The following PTPRN2 variants were observed in gnomAD, a reference collection of about 807,000 sequenced individuals.
The protein encoded by PTPRN2 is receptor-type tyrosine-protein phosphatase N2.
In PTPRN2, 74 loss-of-function variants were observed where a neutral mutation model predicts 118.8. The observed-to-expected ratio is 0.62, with a 90% CI of 0.52 to 0.76. The LOEUF is 0.76. PTPRN2 is among the 30% of genes least tolerant of loss of function. The pLI is 0.00. For synonymous variants in PTPRN2, 641 were observed against 608.0 expected, an observed-to-expected ratio of 1.05 and a Z score of -0.80; for missense variants, 1,481 against 1,394.4, an observed-to-expected ratio of 1.06 and a Z score of -0.99.
At chr7:157,821,448 G>A (rs1205186171) in intron 12 of PTPRN2, among the ~76,000 whole-genome samples, 2 of 152,230 alleles carry the variant, frequency 1.3e-5, no homozygotes, top group African/African-American at 4.8e-5. Context: ...TGGAGAGCAT[G>A]TGGGGAGGCC....
intron 12 of PTPRN2, among the ~76,000 whole-genome samples, chr7:157,875,424 C>T (rs536553683): frequency 2.0e-5 from 3 of 152,264 alleles, no homozygotes; most frequent in Non-Finnish European, 2.9e-5. Flanking sequence ...CCGGGTCACA[C>T]GTTATCTTCC....
At chr7:158,507,152 G>C (rs1164215837) in intron 1 of PTPRN2, among the ~76,000 whole-genome samples, 1 of 152,238 alleles carries the variant, frequency 6.6e-6, no homozygotes, top group Non-Finnish European at 1.5e-5. Context: ...CCCAGGGCTT[G>C]GATGTGGGGC....
chr7:158,033,162 A>G (rs1340969481), intron 11 of PTPRN2, among the ~76,000 whole-genome samples: 1 of 77,794 alleles, frequency 1.3e-5, no homozygotes, highest in Non-Finnish European at 2.5e-5. Flanking sequence ...AGCCTGACAG[A>G]GCCATTGGGG....
At chr7:158,474,973 C>T (rs1449983025) in intron 2 of PTPRN2, among the ~76,000 whole-genome samples, 2 of 152,166 alleles carry the variant, frequency 1.3e-5, no homozygotes, top group African/African-American at 4.8e-5. Context: ...CTCCTGGTGC[C>T]CCACGGAGAC....
At chr7:158,404,686 C>A (rs966813524) in intron 2 of PTPRN2, among the ~76,000 whole-genome samples, 1 of 148,556 alleles carries the variant, frequency 6.7e-6, no homozygotes, top group Non-Finnish European at 1.5e-5. Flanking sequence ...AGCTCCTTGG[C>A]CTCAGCTCCC....
intron 11 of PTPRN2, among the ~76,000 whole-genome samples, chr7:157,905,510 T>C (rs2128756228): frequency 6.6e-6 from 1 of 152,306 alleles, no homozygotes; most frequent in African/African-American, 2.4e-5. Flanking sequence ...ATTCACTAGA[T>C]GAAGGATATG....
chr7:158,018,836 C>T (rs1484434930), intron 11 of PTPRN2, among the ~76,000 whole-genome samples: 2 of 151,770 alleles, frequency 1.3e-5, no homozygotes, highest in Non-Finnish European at 2.9e-5. Context: ...TGGTAGGTGC[C>T]TGTAATCCCA....
chr7:157,917,231 GCT>G (rs927251486), intron 11 of PTPRN2, among the ~76,000 whole-genome samples: 2 of 152,194 alleles, frequency 1.3e-5, no homozygotes, highest in Non-Finnish European at 2.9e-5. Context: ...GTTGCAAACC[GCT>G]CTCTCTCATT....
chr7:157,803,619 G>A (rs968052379), intron 12 of PTPRN2, among the ~76,000 whole-genome samples: 2 of 152,178 alleles, frequency 1.3e-5, no homozygotes, highest in Non-Finnish European at 2.9e-5. Flanking sequence ...TGGATGTGAG[G>A]TGAGGGTCCG....
intron 11 of PTPRN2, among the ~76,000 whole-genome samples, chr7:158,000,331 T>C (rs10271372): frequency 0.67 from 101,506 of 151,868 alleles, 34,293 homozygotes; most frequent in East Asian, 0.83. Flanking sequence ...CAAAAACAAT[T>C]GCCAAGGCCC....
At chr7:158,194,043 G>A (rs1471007026) in intron 4 of PTPRN2, among the ~76,000 whole-genome samples, 1 of 152,054 alleles carries the variant, frequency 6.6e-6, no homozygotes, top group Admixed American at 6.6e-5. Flanking sequence ...CTACGATAGC[G>A]CCGCTGTGCT....
intron 2 of PTPRN2, among the ~76,000 whole-genome samples, chr7:158,441,210 GTGGTGA>G (rs1478507322): frequency 2.9e-5 from 3 of 103,988 alleles, no homozygotes; most frequent in Non-Finnish European, 6.8e-5. Context: ...GATGGTGGTG[GTGGTGA>G]TGGTGATAGT....
Position 158,544,341 on chromosome 7 carries a change from T to A in PTPRN2, c.112+43217A>T, listed in dbSNP as rs974554786. ...AAATTCATAAACTTTCTTAAAACAT[T>A]ATGAGATTTTTTGGCCGGGTGCGGT... On this transcript the variant is annotated intron_variant, in intron 1 of 22. Coordinates refer to ENST00000389418, the MANE Select transcript of PTPRN2 (RefSeq NM_002847.5). The surrounding 1 kb of genome is among the most constrained non-coding windows in gnomAD (Gnocchi z 4.2). 3.3e-5 allele frequency among the ~76,000 whole-genome samples: 5 copies of A among 151,888 alleles called. No homozygotes were observed. In the East Asian group the frequency reaches 9.7e-4, roughly 29 times the overall value.
At chr7:157,940,729 G>T (rs375680007) in intron 11 of PTPRN2, among the ~76,000 whole-genome samples, 3 of 49,482 alleles carry the variant, frequency 6.1e-5, no homozygotes, top group South Asian at 7.5e-4. Context: ...CAAATCTAAC[G>T]CCCTGCCCCA....
At chr7:158,168,250 C>G (rs1358840877) in intron 5 of PTPRN2, among the ~76,000 whole-genome samples, 1 of 152,248 alleles carries the variant, frequency 6.6e-6, no homozygotes, top group Non-Finnish European at 1.5e-5. Flanking sequence ...GTATGTCCTG[C>G]ACCTGGAGCC....
rs572386440 is a variant in PTPRN2, at chr7:157,674,375, C to T, written c.2001+8350G>A. Among the ~76,000 whole-genome samples the T allele has an allele frequency of 2.6e-5, 4 of 152,302 alleles. No homozygotes were observed. Among genetic ancestry groups the T allele is most frequent in the South Asian group, 2.1e-4 (1 of 4,828 alleles). On this transcript the variant is annotated intron_variant, in intron 13 of 22. Transcript: ENST00000389418. The surrounding 1 kb of genome is among the most constrained non-coding windows in gnomAD (Gnocchi z 4.5). ...TTATCCACGTCCTCGAAGTGATCCCCGTTTGACATTTGGAAATGACTTTCA... is the reference window on the plus strand; with the variant it reads ...TTATCCACGTCCTCGAAGTGATCCCTGTTTGACATTTGGAAATGACTTTCA...
In PTPRN2 at chr7:158,189,197, G is replaced by A. The variant is rs368278088; in HGVS notation, c.549+3130C>T. ...GTGTGGATGTTGCGGCTGCTTGGCC[G>A]ACCTCACGTCTGGCTGCTGAGGGCA... On this transcript the variant is annotated intron_variant, in intron 5 of 22. Transcript: ENST00000389418. 3.0e-3 allele frequency among the ~76,000 whole-genome samples: 451 copies of A among 152,308 alleles called. 4 individuals carry two copies. The highest frequency in any genetic ancestry group is 9.9e-3 in the African/African-American group (413 of 41,558).
intron 11 of PTPRN2, among the ~76,000 whole-genome samples, chr7:158,058,641 G>T (rs62480170): frequency 2.3e-4 from 4 of 17,670 alleles, no homozygotes; most frequent in Admixed American, 6.4e-4. Context: ...CTGCAGCCAC[G>T]CTCCATCTGC....
At chr7:158,187,264 G>A (rs777816362) in intron 5 of PTPRN2, among the ~76,000 whole-genome samples, 1 of 152,210 alleles carries the variant, frequency 6.6e-6, no homozygotes, top group Non-Finnish European at 1.5e-5. Flanking sequence ...TGAAGGCCCT[G>A]AAAGGCAATA....
Sources: gnomAD v4.1 joint callset for allele counts (sites outside exome capture counted in the v4.1 genomes callset) on GRCh38, gnomAD v4.1.1 for gene constraint, Gnocchi (gnomAD v3.1) non-coding constraint, MANE v1.5 for transcripts, NCBI Gene and HGNC (gene_info 2026-07-23, HGNC 2026-07-21) for gene names.